The following ACTL8 variants were observed in gnomAD, a reference collection of about 807,000 sequenced individuals.
ACTL8 encodes actin-like protein 8.
In ACTL8, 3 loss-of-function variants were observed where a neutral mutation model predicts 9.3. That is an observed-to-expected ratio of 0.32 (90% CI 0.15 to 0.83). ACTL8 has a LOEUF of 0.83. Among genes scored for constraint, ACTL8 ranks in the 40% least tolerant of loss-of-function variants. The pLI is 0.57. For missense variants in ACTL8, 381 were observed against 492.2 expected, an observed-to-expected ratio of 0.77 and a Z score of 2.14; for synonymous variants, 224 against 205.9, an observed-to-expected ratio of 1.09 and a Z score of -0.75.
chr1:17,781,343 C>T (rs778267318), intron 1 of ACTL8, among the ~76,000 whole-genome samples: 9 of 151,774 alleles, frequency 5.9e-5, no homozygotes, highest in East Asian at 1.9e-4. Context: ...CAGGTTCAAG[C>T]GATTCTCCTT....
At chr1:17,815,835 C>T (rs568280399) in intron 1 of ACTL8, among the ~76,000 whole-genome samples, 2 of 152,250 alleles carry the variant, frequency 1.3e-5, no homozygotes, top group African/African-American at 4.8e-5. Context: ...GTCTCTGAAG[C>T]TTTGCTCAGT....
At chr1:17,775,772 G>A (rs1000912280) in intron 1 of ACTL8, among the ~76,000 whole-genome samples, 1 of 152,184 alleles carries the variant, frequency 6.6e-6, no homozygotes, top group Admixed American at 6.5e-5. Flanking sequence ...GCTCCTTGAG[G>A]CCTCTCCTCT....
chr1:17,808,397 C>T (rs576680905), intron 1 of ACTL8, among the ~76,000 whole-genome samples: 65 of 152,292 alleles, frequency 4.3e-4, no homozygotes, highest in African/African-American at 1.4e-3. Flanking sequence ...CTGAAGACTA[C>T]GGTGTAGAGA....
At chr1:17,802,260 C>T (rs1298484698) in intron 1 of ACTL8, among the ~76,000 whole-genome samples, 2 of 152,144 alleles carry the variant, frequency 1.3e-5, no homozygotes, top group Admixed American at 1.3e-4. Flanking sequence ...AACCAGCCTC[C>T]ACGGTGTGTG....
chr1:17,769,439 G>C (rs1366031012), intron 1 of ACTL8, among the ~76,000 whole-genome samples: 1 of 152,218 alleles, frequency 6.6e-6, no homozygotes, highest in Non-Finnish European at 1.5e-5. Context: ...CTGGTAGATA[G>C]TAACCCACCT....
In ACTL8 at chr1:17,775,872, C is replaced by T. The variant is rs142623289; in HGVS notation, c.-25+20368C>T. ...GACAGACCAAGGCTAATGAACCTAG[C>T]GTGAGGCAGGGGCTTCTTAGAGCTA... On this transcript the variant is annotated intron_variant, in intron 1 of 2. Coordinates refer to ENST00000375406, the MANE Select transcript of ACTL8 (RefSeq NM_030812.3). Among the ~76,000 whole-genome samples, 12 of 152,204 alleles carry T rather than the reference C, an allele frequency of 7.9e-5. No homozygotes were observed. In the East Asian group the frequency reaches 1.2e-3, roughly 15 times the overall value.
At chr1:17,785,129 G>A (rs977879335) in intron 1 of ACTL8, among the ~76,000 whole-genome samples, 12 of 152,150 alleles carry the variant, frequency 7.9e-5, no homozygotes, top group East Asian at 3.9e-4. Context: ...CAACATGTGG[G>A]AATTCAAGAT....
chr1:17,804,368 C>T (rs1570032428), intron 1 of ACTL8, among the ~76,000 whole-genome samples: 1 of 152,184 alleles, frequency 6.6e-6, no homozygotes, highest in African/African-American at 2.4e-5. Context: ...AGTTGGGTCA[C>T]ATGGTCCTCC....
chr1:17,786,359 G>A (rs1196655411), intron 1 of ACTL8, among the ~76,000 whole-genome samples: 2 of 152,228 alleles, frequency 1.3e-5, no homozygotes, highest in Non-Finnish European at 2.9e-5. Flanking sequence ...AGGCGTGTCT[G>A]CCTTGGTGAG....
intron 1 of ACTL8, among the ~76,000 whole-genome samples, chr1:17,776,416 C>T (rs1357317364): frequency 3.3e-5 from 5 of 152,288 alleles, no homozygotes; most frequent in South Asian, 2.1e-4. Context: ...ACTTGCCTTC[C>T]TCCTGTTTTG....
In ACTL8 at chr1:17,755,456, C is replaced by A. The variant is rs2065960348; in HGVS notation, c.-73C>A. On this transcript the variant is annotated 5_prime_UTR_variant, in exon 1 of 3. Transcript: ENST00000375406. ...TTTGCAGTGGGTGCCTCTTGTGAGACACTGTTTCTGAGAGCAGCTTTTGTG... is the reference window on the plus strand; with the variant it reads ...TTTGCAGTGGGTGCCTCTTGTGAGAAACTGTTTCTGAGAGCAGCTTTTGTG... 6.6e-6 allele frequency: 1 copy of A among 152,184 alleles called. No individual in the cohort carries two copies. The highest frequency in any genetic ancestry group is 1.5e-5 in the Non-Finnish European group (1 of 68,054). The allele number at this position is 152,184 out of a possible 1,614,324, so 9.4% of individuals were successfully genotyped here.
chr1:17,774,298 C>A (rs188813288), intron 1 of ACTL8, among the ~76,000 whole-genome samples: 1 of 152,114 alleles, frequency 6.6e-6, no homozygotes, highest in Non-Finnish European at 1.5e-5. Context: ...AACAGCTAGG[C>A]GCCCTTGCCC....
At chr1:17,762,575 C>T (rs537456615) in intron 1 of ACTL8, among the ~76,000 whole-genome samples, 3 of 152,182 alleles carry the variant, frequency 2.0e-5, no homozygotes, top group Non-Finnish European at 4.4e-5. Context: ...CTCGGCCAGG[C>T]AGCTTGAGTG....
chr1:17,811,963 C>G (rs1241041847), intron 1 of ACTL8, among the ~76,000 whole-genome samples: 2 of 151,552 alleles, frequency 1.3e-5, no homozygotes, highest in African/African-American at 2.4e-5. Context: ...TGCCTCCTGG[C>G]TTGGCCTCCC....
At chr1:17,799,408 G>A (rs938678484) in intron 1 of ACTL8, among the ~76,000 whole-genome samples, 2 of 151,730 alleles carry the variant, frequency 1.3e-5, no homozygotes, top group African/African-American at 4.8e-5. Context: ...TTGGATTGCT[G>A]GTGTCTGAAT....
intron 1 of ACTL8, among the ~76,000 whole-genome samples, chr1:17,803,257 T>C (rs186265631): frequency 1.6e-3 from 247 of 152,304 alleles, no homozygotes; most frequent in African/African-American, 5.5e-3. Context: ...AAGGAGGTGT[T>C]TGCTTACCTT....
At chr1:17,771,679 G>A (rs1180559562) in intron 1 of ACTL8, among the ~76,000 whole-genome samples, 1 of 152,070 alleles carries the variant, frequency 6.6e-6, no homozygotes, top group African/African-American at 2.4e-5. Context: ...GAGGCCCCTA[G>A]CAGCTAGAGG....
At chr1:17,790,835 A>C (rs1174427490) in intron 1 of ACTL8, among the ~76,000 whole-genome samples, 1 of 152,226 alleles carries the variant, frequency 6.6e-6, no homozygotes, top group Admixed American at 6.5e-5. Context: ...TCCTGTGCTC[A>C]TCAGCATCCA....
At chr1:17,766,098 G>T (rs1052011319) in intron 1 of ACTL8, among the ~76,000 whole-genome samples, 1 of 152,234 alleles carries the variant, frequency 6.6e-6, no homozygotes, top group East Asian at 1.9e-4. Context: ...CCTTGTAATT[G>T]AGGCTTTGAA....
Sources: gnomAD v4.1 joint callset for allele counts (sites outside exome capture counted in the v4.1 genomes callset) on GRCh38, gnomAD v4.1.1 for gene constraint, MANE v1.5 for transcripts, NCBI Gene and HGNC (gene_info 2026-07-23, HGNC 2026-07-21) for gene names.